PKP2: variants seen among roughly 807,000 people sequenced by gnomAD.
PKP2 encodes the protein plakophilin-2.
Under a neutral mutation model 83.4 loss-of-function variants are expected in PKP2, and 73 were observed. That is an observed-to-expected ratio of 0.88 (90% CI 0.72 to 1.06). The LOEUF (loss-of-function observed/expected upper bound fraction) is 1.06, where lower values mean the gene tolerates loss of function less well. PKP2 is among the 50% of genes least tolerant of loss of function. The pLI is 0.00. For missense variants in PKP2, 966 were observed against 1,065.4 expected (o/e 0.91, Z 1.30); for synonymous variants, 409 against 430.4 (o/e 0.95, Z 0.62).
intron 4 of PKP2, among the ~76,000 whole-genome samples, chr12:32,852,917 A>G (rs1344692921): frequency 6.6e-6 from 1 of 152,144 alleles, no homozygotes; most frequent in Non-Finnish European, 1.5e-5. Flanking sequence ...CCCCATTTCT[A>G]CTAAAAATAC....
intron 1 of PKP2, among the ~76,000 whole-genome samples, chr12:32,885,984 T>G (rs1232025456): frequency 6.6e-6 from 1 of 152,192 alleles, no homozygotes; most frequent in Non-Finnish European, 1.5e-5. Flanking sequence ...AGTGATTTGG[T>G]TCACACTGAG....
At chr12:32,853,630 C>A (rs994256353) in intron 4 of PKP2, among the ~76,000 whole-genome samples, 4 of 151,926 alleles carry the variant, frequency 2.6e-5, no homozygotes, top group Admixed American at 2.6e-4. Context: ...TCTCACTCAG[C>A]CTCCCTAATT....
At position 32,822,097 on chromosome 12, in the gene PKP2, C is replaced by T. The variant is rs138709487; in HGVS notation, c.1839+370G>A. Among the ~76,000 whole-genome samples, 1,107 of 152,218 alleles carry T rather than the reference C, an allele frequency of 7.3e-3. 9 individuals are homozygous for T. Among genetic ancestry groups the T allele is most frequent in the Admixed American group, 0.013 (193 of 15,284 alleles). ...AATACCCAAGGCCAAATATCAGGGC[C>T]GACTTTAATAAAAACAATTTATATA... is the stretch of plus-strand genomic sequence containing the variant. On this transcript the variant is annotated intron_variant, in intron 8 of 12. Transcript: ENST00000340811.
chr12:32,819,698 A>G (rs1403766430), intron 9 of PKP2, among the ~76,000 whole-genome samples: 1 of 152,196 alleles, frequency 6.6e-6, no homozygotes, highest in Non-Finnish European at 1.5e-5. Flanking sequence ...TAGGTAATAC[A>G]CTAATATTGA....
Position 32,896,696 on chromosome 12 carries a change from G to A in PKP2, c.36C>T (p.Tyr12=), listed in dbSNP as rs1343489334. The change falls in exon 1 of 13, where the codon TAC becomes TAT. Residue 12 remains tyrosine, a synonymous_variant. Coordinates refer to ENST00000340811, the MANE Select transcript of PKP2 (RefSeq NM_001005242.3). ...TCTGCTGGCCCAGGACGGTCCGGAT[G>A]TAGCCGTACTCAGCTGGGGCGCCGG... The part of the protein sequence containing the change: ...AAPGAPAEYG[Y]IRTVLGQQIL... The A allele has an allele frequency of 4.6e-6, 7 of 1,519,970 alleles. No homozygotes were observed. The highest frequency in any genetic ancestry group is 1.4e-5 in the African/African-American group (1 of 70,908). 94.2% of individuals were successfully genotyped at this position (1,519,970 alleles called of 1,614,324 possible). A position where few individuals can be genotyped will look rare whatever the true frequency, so the allele number is the denominator to read the frequency against.
intron 4 of PKP2, among the ~76,000 whole-genome samples, chr12:32,858,079 A>AG (rs1956765698): frequency 1.8e-5 from 1 of 56,548 alleles, no homozygotes; most frequent in Admixed American, 2.4e-4. Context: ...AAAAAAAAAA[A>AG]AAAAAATATA....
chr12:32,805,823 T>C (rs969859178), intron 9 of PKP2, among the ~76,000 whole-genome samples: 7 of 152,340 alleles, frequency 4.6e-5, no homozygotes, highest in African/African-American at 1.4e-4. Flanking sequence ...TTAAAATAGT[T>C]TTTTCCAATT....
chr12:32,796,514 T>C (rs1157260200), intron 10 of PKP2, among the ~76,000 whole-genome samples: 3 of 151,980 alleles, frequency 2.0e-5, no homozygotes, highest in East Asian at 1.9e-4. Context: ...TCCCGAGTAG[T>C]TGGGACTACA....
intron 3 of PKP2, among the ~76,000 whole-genome samples, chr12:32,871,724 A>G (rs1956898146): frequency 6.6e-6 from 1 of 152,078 alleles, no homozygotes; most frequent in South Asian, 2.1e-4. Flanking sequence ...TCAGCCTCCC[A>G]AAGTGCTGGG....
chr12:32,840,146 G>T (rs939546906), intron 6 of PKP2, among the ~76,000 whole-genome samples: 1 of 152,208 alleles, frequency 6.6e-6, no homozygotes, highest in African/African-American at 2.4e-5. Context: ...CAGAAGGTCT[G>T]GGGTGGGACC....
intron 1 of PKP2, among the ~76,000 whole-genome samples, chr12:32,895,712 C>T (rs1957116574): frequency 6.6e-6 from 1 of 152,200 alleles, no homozygotes. Flanking sequence ...CTTTCCCTTC[C>T]ACCTCCCCCG....
At chr12:32,843,750 C>T (rs1211330251) in intron 5 of PKP2, among the ~76,000 whole-genome samples, 1 of 152,178 alleles carries the variant, frequency 6.6e-6, no homozygotes, top group Non-Finnish European at 1.5e-5. Context: ...TTCATTCCTC[C>T]TGCTTCTCCT....
At chr12:32,868,633 C>T (rs1956869649) in intron 4 of PKP2, among the ~76,000 whole-genome samples, 1 of 152,188 alleles carries the variant, frequency 6.6e-6, no homozygotes. Flanking sequence ...AGTGATTCTC[C>T]TGCCTCAGCC....
intron 3 of PKP2, among the ~76,000 whole-genome samples, chr12:32,872,240 C>T (rs1409795703): frequency 6.6e-6 from 1 of 151,966 alleles, no homozygotes; most frequent in Non-Finnish European, 1.5e-5. Flanking sequence ...AGAAAAAAAC[C>T]CAGTAACTTG....
intron 1 of PKP2, 51 bp downstream of exon 1, chr12:32,896,458 G>A: frequency 7.4e-7 from 1 of 1,343,660 alleles, no homozygotes; most frequent in Non-Finnish European, 9.9e-7. Flanking sequence ...AGGAGGAGGT[G>A]ACCGGGTGTG....
intron 9 of PKP2, among the ~76,000 whole-genome samples, chr12:32,816,319 A>C (rs1277207843): frequency 1.3e-5 from 2 of 152,106 alleles, no homozygotes; most frequent in Non-Finnish European, 2.9e-5. Flanking sequence ...CCCACGTATA[A>C]GTGGGAGAAT....
At chr12:32,874,800 G>A (rs1203167456) in intron 3 of PKP2, among the ~76,000 whole-genome samples, 1 of 152,016 alleles carries the variant, frequency 6.6e-6, no homozygotes, top group African/African-American at 2.4e-5. Flanking sequence ...GGGTACAGTG[G>A]CACAATCACA....
intron 4 of PKP2, among the ~76,000 whole-genome samples, chr12:32,856,847 A>G (rs1956754714): frequency 6.6e-6 from 1 of 152,164 alleles, no homozygotes; most frequent in African/African-American, 2.4e-5. Flanking sequence ...ACAGGGAACA[A>G]TTTGCCCGGA....
intron 5 of PKP2, among the ~76,000 whole-genome samples, chr12:32,842,279 G>T (rs943489289): frequency 6.6e-6 from 1 of 151,890 alleles, no homozygotes; most frequent in African/African-American, 2.4e-5. Context: ...TCACTCTATT[G>T]CCCATGCTGG....
Sources: gnomAD v4.1 joint callset for allele counts (sites outside exome capture counted in the v4.1 genomes callset) on GRCh38, gnomAD v4.1.1 for gene constraint, MANE v1.5 for transcripts, NCBI Gene and HGNC (gene_info 2026-07-23, HGNC 2026-07-21) for gene names.